The following WWOX variants were observed in gnomAD, a reference collection of about 807,000 sequenced individuals.
WWOX encodes WW domain containing oxidoreductase, also known as WW domain-containing oxidoreductase.
WWOX carries 69 observed loss-of-function variants against 46.2 expected under a neutral mutation model. The observed-to-expected ratio is 1.49, with a 90% confidence interval of 1.23 to 1.82. The LOEUF (loss-of-function observed/expected upper bound fraction) is 1.82, where lower values mean the gene tolerates loss of function less well. WWOX is among the 40% of genes most tolerant of loss of function. The pLI is 0.00. For synonymous variants in WWOX, 359 were observed against 202.6 expected (o/e 1.77, Z -6.56); for missense variants, 919 against 542.6 (o/e 1.69, Z -6.89).
At chr16:78,793,167 G>T (rs1477052773) in intron 8 of WWOX, among the ~76,000 whole-genome samples, 1 of 152,120 alleles carries the variant, frequency 6.6e-6, no homozygotes, top group East Asian at 1.9e-4. Flanking sequence ...CTGTCTCATG[G>T]GATCAAGTGA....
intron 8 of WWOX, among the ~76,000 whole-genome samples, chr16:78,798,176 C>A (rs941941630): frequency 6.6e-6 from 1 of 152,164 alleles, no homozygotes; most frequent in South Asian, 2.1e-4. Flanking sequence ...ACCAAAGCCA[C>A]GGCACCTTTG....
intron 8 of WWOX, among the ~76,000 whole-genome samples, chr16:78,577,405 C>A (rs1033291005): frequency 6.6e-6 from 1 of 152,084 alleles, no homozygotes; most frequent in Non-Finnish European, 1.5e-5. Context: ...TCCAGCACTG[C>A]GGCCATGAGT....
At chr16:78,896,475 C>G (rs534889003) in intron 8 of WWOX, 1 of 152,092 alleles carries the variant, frequency 6.6e-6, no homozygotes, top group African/African-American at 2.4e-5. Flanking sequence ...GCGTTGCTTC[C>G]CCTACCCCTT....
intron 6 of WWOX, among the ~76,000 whole-genome samples, chr16:78,423,481 T>G (rs983681949): frequency 1.3e-5 from 2 of 152,154 alleles, no homozygotes; most frequent in Non-Finnish European, 2.9e-5. Context: ...ATAGTTCTTA[T>G]TGGTACAGTA....
chr16:78,647,284 A>C (rs1271404347), intron 8 of WWOX, among the ~76,000 whole-genome samples: 1 of 152,132 alleles, frequency 6.6e-6, no homozygotes, highest in Non-Finnish European at 1.5e-5. Flanking sequence ...GCTTTACAGG[A>C]AGGGGAGTGG....
At chr16:78,445,168 A>G (rs1030173032) in intron 8 of WWOX, among the ~76,000 whole-genome samples, 1 of 152,288 alleles carries the variant, frequency 6.6e-6, no homozygotes, top group South Asian at 2.1e-4. Context: ...AAGCTGTCCT[A>G]GAGTCTGGAT....
intron 8 of WWOX, among the ~76,000 whole-genome samples, chr16:78,830,231 A>G (rs1475320878): frequency 6.6e-6 from 1 of 152,216 alleles, no homozygotes; most frequent in East Asian, 1.9e-4. Flanking sequence ...CATTCTAGTA[A>G]TATTTGCATC....
chr16:79,183,947 C>A (rs557360085), intron 8 of WWOX, among the ~76,000 whole-genome samples: 2 of 152,190 alleles, frequency 1.3e-5, no homozygotes, highest in African/African-American at 2.4e-5. Flanking sequence ...GAAGAAAACA[C>A]GCTTTGGTGT....
At chr16:78,263,811 C>T (rs1217561782) in intron 5 of WWOX, among the ~76,000 whole-genome samples, 1 of 152,074 alleles carries the variant, frequency 6.6e-6, no homozygotes, top group African/African-American at 2.4e-5. Flanking sequence ...GTACACCTGC[C>T]TCCAATGAAG....
At chr16:78,466,843 G>T (rs913507239) in intron 8 of WWOX, among the ~76,000 whole-genome samples, 1 of 150,968 alleles carries the variant, frequency 6.6e-6, no homozygotes, top group Non-Finnish European at 1.5e-5. Flanking sequence ...GCGAGACTCC[G>T]TCTCAAAAAA....
intron 5 of WWOX, among the ~76,000 whole-genome samples, chr16:78,216,749 T>C (rs2036735223): frequency 6.6e-6 from 1 of 152,048 alleles, no homozygotes; most frequent in Non-Finnish European, 1.5e-5. Flanking sequence ...ATTTTATTTG[T>C]GAGACAGAGC....
chr16:79,190,705 A>T (rs185558708), intron 8 of WWOX, among the ~76,000 whole-genome samples: 2 of 152,314 alleles, frequency 1.3e-5, no homozygotes, highest in Non-Finnish European at 2.9e-5. Context: ...TTCATGGACC[A>T]AATCCTGCCT....
chr16:79,110,676 C>G (rs2049399697), intron 8 of WWOX: 1 of 152,146 alleles, frequency 6.6e-6, no homozygotes, highest in Non-Finnish European at 1.5e-5. Context: ...GTTCATTTCT[C>G]TTGTAGTCAG....
intron 8 of WWOX, among the ~76,000 whole-genome samples, chr16:79,209,158 G>C (rs966496465): frequency 2.0e-5 from 3 of 152,102 alleles, no homozygotes; most frequent in African/African-American, 7.3e-5. Context: ...TTTTCAAAAA[G>C]GTATGGCTCT....
intron 8 of WWOX, among the ~76,000 whole-genome samples, chr16:79,104,974 G>A (rs894786445): frequency 7.9e-5 from 12 of 152,098 alleles, no homozygotes; most frequent in African/African-American, 2.7e-4. Flanking sequence ...GCACCTGTCC[G>A]CCACCCCAAT....
At chr16:78,192,387 G>C (rs565621364) in intron 5 of WWOX, among the ~76,000 whole-genome samples, 40 of 151,398 alleles carry the variant, frequency 2.6e-4, no homozygotes, top group Middle Eastern at 6.9e-3. Context: ...AGCTACTCAG[G>C]AGGCTGAGGC....
Position 78,813,208 on chromosome 16 carries a change from A to G in WWOX, c.1056+380456A>G, listed in dbSNP as rs1053354599. On this transcript the variant is annotated intron_variant, in intron 8 of 8. Transcript: ENST00000566780. ...TGCTTCTGATTTTTGTTGTTTTGCT[A>G]TCATAGCGTTACCTACCTCACAGAG... Among the ~76,000 whole-genome samples, 4 of 151,806 alleles carry G rather than the reference A, an allele frequency of 2.6e-5. No individual in the cohort carries two copies. In the South Asian group the frequency reaches 6.2e-4, roughly 24 times the overall value.
intron 8 of WWOX, among the ~76,000 whole-genome samples, chr16:78,470,677 G>A (rs62034126): frequency 0.035 from 5,339 of 152,128 alleles, 197 homozygotes; most frequent in African/African-American, 0.088. Flanking sequence ...TTACAGGCAC[G>A]CCACCACACC....
intron 8 of WWOX, among the ~76,000 whole-genome samples, chr16:79,207,666 T>C (rs2051563691): frequency 6.6e-6 from 1 of 152,232 alleles, no homozygotes; most frequent in Non-Finnish European, 1.5e-5. Context: ...CTCCTCTTTC[T>C]TTTAAATGAG....
Sources: allele counts gnomAD v4.1 joint callset (sites outside exome capture counted in the v4.1 genomes callset), GRCh38; gene constraint gnomAD v4.1.1; transcripts MANE v1.5; gene names NCBI Gene and HGNC (gene_info 2026-07-23, HGNC 2026-07-21).